The following PCDHGB2 variants were observed in gnomAD, a reference collection of about 807,000 sequenced individuals.
The protein encoded by PCDHGB2 is protocadherin gamma-B2.
PCDHGB2 carries 55 observed loss-of-function variants against 59.3 expected under a neutral mutation model. That is an observed-to-expected ratio of 0.93 (90% CI 0.75 to 1.16). The LOEUF (loss-of-function observed/expected upper bound fraction) is 1.16, where lower values mean the gene tolerates loss of function less well. Ranked by LOEUF, PCDHGB2 falls within the 50% of genes most tolerant of loss-of-function variation. The pLI is 0.00. For synonymous variants in PCDHGB2, 516 were observed against 512.0 expected (o/e 1.01, Z -0.11); for missense variants, 1,228 against 1,198.5 (o/e 1.02, Z -0.36).
In PCDHGB2 at chr5:141,360,023, A is replaced by C; in HGVS notation, c.-113A>C. 1 of 1,309,494 alleles carries C rather than the reference A, an allele frequency of 7.6e-7. No homozygotes were observed. The highest frequency in any genetic ancestry group is 1.0e-6 in the Non-Finnish European group (1 of 978,172). The allele number at this position is 1,309,494 out of a possible 1,614,324, so 81.1% of individuals were successfully genotyped here. On this transcript the variant is annotated 5_prime_UTR_variant, in exon 1 of 4. Coordinates refer to ENST00000522605, the MANE Select transcript of PCDHGB2 (RefSeq NM_018923.3). ...ACAAACCAACCACACAGAGAAGGCC[A>C]GTATAGATTCGGAAACAGAAAACAA...
At chr5:141,383,710 G>C (rs1388027066) in intron 1 of PCDHGB2, 1 of 1,613,992 alleles carries the variant, frequency 6.2e-7, no homozygotes. Flanking sequence ...CGACCTGGAC[G>C]AGGGAGTCAA....
chr5:141,393,430 C>T, intron 1 of PCDHGB2: 1 of 1,614,040 alleles, frequency 6.2e-7, no homozygotes, highest in Non-Finnish European at 8.5e-7. Context: ...GAGGAAGAGG[C>T]TGCTCACCAC....
chr5:141,399,807 C>T, intron 1 of PCDHGB2: 1 of 1,613,222 alleles, frequency 6.2e-7, no homozygotes, highest in Non-Finnish European at 8.5e-7. Context: ...GGGTGCTGTA[C>T]CCCGCGCTGG....
intron 1 of PCDHGB2, chr5:141,428,311 G>A: frequency 3.0e-6 from 2 of 671,726 alleles, no homozygotes; most frequent in Non-Finnish European, 5.3e-6. Context: ...CCTGGTCGTG[G>A]CCTTGGCCTT....
rs188091361 is a variant in PCDHGB2, at chr5:141,375,199, C to T, written c.2421+12643C>T. 47 of 1,613,924 alleles carry T rather than the reference C, an allele frequency of 2.9e-5. No individual in the cohort carries two copies. The South Asian group carries it at 4.7e-4, about 16-fold the overall frequency. ...CAGTAATCGCCCTTTTTCAAGTGTT[C>T]GATCGAGACTCTGGCCTGAATGGCC... On this transcript the variant is annotated intron_variant, in intron 1 of 3. Transcript: ENST00000522605.
intron 1 of PCDHGB2, chr5:141,417,843 G>C: frequency 6.5e-7 from 1 of 1,539,250 alleles, no homozygotes; most frequent in Non-Finnish European, 8.8e-7. Context: ...GGGACCCAGC[G>C]AGAACCCGAG....
In PCDHGB2 at chr5:141,470,146, A is replaced by G. The variant is rs181633492; in HGVS notation, c.2422-24661A>G. On this transcript the variant is annotated intron_variant, in intron 1 of 3. Coordinates refer to ENST00000522605, the MANE Select transcript of PCDHGB2 (RefSeq NM_018923.3). ...TTCGTCTCAAAAAAAAAGATCATAG[A>G]TCATCTTATCAAATCAAAGTATGCA... Among the ~76,000 whole-genome samples, 102 of 152,308 alleles carry G rather than the reference A, an allele frequency of 6.7e-4. 2 individuals carry two copies. Among genetic ancestry groups the G allele is most frequent in the African/African-American group, 2.4e-3 (99 of 41,558 alleles).
At chr5:141,408,428 A>C (rs1397543407) in intron 1 of PCDHGB2, 1 of 1,614,076 alleles carries the variant, frequency 6.2e-7, no homozygotes, top group South Asian at 1.1e-5. Flanking sequence ...GCTGCACTTC[A>C]GCGTAGACGC....
intron 1 of PCDHGB2, among the ~76,000 whole-genome samples, chr5:141,473,383 C>A (rs976400317): frequency 3.3e-5 from 5 of 152,200 alleles, no homozygotes; most frequent in African/African-American, 9.6e-5. Context: ...GGTCCCTGCC[C>A]TCCTGGAGCT....
intron 1 of PCDHGB2, among the ~76,000 whole-genome samples, chr5:141,462,941 G>A (rs1667222225): frequency 6.6e-6 from 1 of 152,158 alleles, no homozygotes; most frequent in Non-Finnish European, 1.5e-5. Flanking sequence ...TTCAAGGCTT[G>A]TTTTTAAGCT....
In PCDHGB2 at chr5:141,485,589, A is replaced by G. The variant is rs1407992185; in HGVS notation, c.2422-9218A>G. 6.2e-7 allele frequency: 1 copy of G among 1,612,610 alleles called. No homozygotes were observed. Among genetic ancestry groups the G allele is most frequent in the Non-Finnish European group, 8.5e-7 (1 of 1,178,834 alleles). On this transcript the variant is annotated intron_variant, in intron 1 of 3. Coordinates refer to ENST00000522605, the MANE Select transcript of PCDHGB2 (RefSeq NM_018923.3). The surrounding 1 kb of genome is among the most constrained non-coding windows in gnomAD (Gnocchi z 5.7). Reference sequence around the variant, plus strand: ...CCCCGTTTTCCGCGGCAGCAGCTGGACTTGGAAATTGGGGAGGCAGCTCCT... The same window carrying G: ...CCCCGTTTTCCGCGGCAGCAGCTGGGCTTGGAAATTGGGGAGGCAGCTCCT...
At chr5:141,410,047 A>G in intron 1 of PCDHGB2, 1 of 1,612,420 alleles carries the variant, frequency 6.2e-7, no homozygotes. Flanking sequence ...GTGAGCCCGG[A>G]CTCTTCAGCC....
At chr5:141,388,652 C>T in intron 1 of PCDHGB2, 1 of 1,613,844 alleles carries the variant, frequency 6.2e-7, no homozygotes, top group African/African-American at 1.3e-5. Context: ...AAAACGTGTA[C>T]CCGGGGACCA....
In PCDHGB2 at chr5:141,431,538, AGCTGCTTGTAGTCAAC is replaced by A; in HGVS notation, c.2422-63265_2422-63250del. 2 of 1,614,114 alleles carry A rather than the reference AGCTGCTTGTAGTCAAC, an allele frequency of 1.2e-6. No homozygotes were observed. Among genetic ancestry groups the A allele is most frequent in the Non-Finnish European group, 1.7e-6 (2 of 1,180,024 alleles). ...CCGGAGAATCTGGCCTTGGGCACGC[AGCTGCTTGTAGTCAAC>A]GCTACCGACCCTGACGAAGGAGTCA... On this transcript the variant is annotated intron_variant, in intron 1 of 3. Coordinates refer to ENST00000522605, the MANE Select transcript of PCDHGB2 (RefSeq NM_018923.3). This position sits in a 1 kb window ranked among gnomAD's most constrained non-coding sequence, Gnocchi z 4.8.
At chr5:141,410,625 G>A (rs202058499) in intron 1 of PCDHGB2, 1 of 1,602,442 alleles carries the variant, frequency 6.2e-7, no homozygotes, top group Non-Finnish European at 8.5e-7. Flanking sequence ...ACTTCGGTGA[G>A]TTTCTCTTTT....
At chr5:141,449,328 C>G (rs1340432771) in intron 1 of PCDHGB2, among the ~76,000 whole-genome samples, 1 of 151,866 alleles carries the variant, frequency 6.6e-6, no homozygotes, top group African/African-American at 2.4e-5. Flanking sequence ...ATCTGTAGGC[C>G]AGGTGCAGTG....
intron 1 of PCDHGB2, chr5:141,408,126 C>T: frequency 1.5e-5 from 22 of 1,479,600 alleles, no homozygotes; most frequent in Non-Finnish European, 1.6e-5. Flanking sequence ...TGTCCTGGGC[C>T]GAATGCTCTT....
intron 1 of PCDHGB2, chr5:141,413,577 T>C (rs752007520): frequency 2.5e-6 from 4 of 1,613,836 alleles, no homozygotes; most frequent in Non-Finnish European, 3.4e-6. Context: ...ATGACAATGC[T>C]CCAAAATTCC....
intron 1 of PCDHGB2, chr5:141,392,836 C>T: frequency 6.2e-7 from 1 of 1,608,040 alleles, no homozygotes; most frequent in Non-Finnish European, 8.5e-7. Context: ...CAGAGTCGCC[C>T]CAGACGCGGC....
Sources: allele counts gnomAD v4.1 joint callset (sites outside exome capture counted in the v4.1 genomes callset), GRCh38; gene constraint gnomAD v4.1.1; non-coding constraint Gnocchi (gnomAD v3.1); transcripts MANE v1.5; gene names NCBI Gene and HGNC (gene_info 2026-07-23, HGNC 2026-07-21).